Variants in CAMTA1 observed in about 807,000 individuals in gnomAD.
CAMTA1 encodes the protein calmodulin binding transcription activator 1, also known as calmodulin-binding transcription activator 1.
A neutral mutation model predicts 170.9 loss-of-function variants in CAMTA1; 27 were observed. The ratio of observed to expected loss-of-function variants is 0.16; its 90% CI spans 0.12 to 0.22. The LOEUF (loss-of-function observed/expected upper bound fraction) is 0.22. Ranked by LOEUF, CAMTA1 falls within the 10% of genes least tolerant of loss-of-function variation. The pLI is 1.00. For synonymous variants in CAMTA1, 833 were observed against 891.5 expected, an observed-to-expected ratio of 0.93 and a Z score of 1.17; for missense variants, 1,619 against 2,217.2, an observed-to-expected ratio of 0.73 and a Z score of 5.42.
chr1:6,811,035 T>C (rs1645105527), intron 1 of CAMTA1, among the ~76,000 whole-genome samples: 1 of 152,208 alleles, frequency 6.6e-6, no homozygotes, highest in Non-Finnish European at 1.5e-5. Context: ...TCAGGAGGCC[T>C]TCTGTGCCCT....
At chr1:7,731,621 C>G (rs958512409) in intron 11 of CAMTA1, among the ~76,000 whole-genome samples, 2 of 150,796 alleles carry the variant, frequency 1.3e-5, no homozygotes, top group Admixed American at 6.6e-5. Context: ...TACGGTGGTT[C>G]ACACCTGTAA....
chr1:7,210,409 G>A (rs1658544966), intron 4 of CAMTA1, among the ~76,000 whole-genome samples: 1 of 152,176 alleles, frequency 6.6e-6, no homozygotes, highest in South Asian at 2.1e-4. Context: ...GCGACATTGG[G>A]TTGTTCTTAG....
intron 12 of CAMTA1, among the ~76,000 whole-genome samples, chr1:7,734,217 G>T (rs1490795850): frequency 6.6e-6 from 1 of 152,172 alleles, no homozygotes; most frequent in Non-Finnish European, 1.5e-5. Context: ...AAAGTGCTGG[G>T]ATTACAGACA....
intron 6 of CAMTA1, among the ~76,000 whole-genome samples, chr1:7,574,966 G>A (rs2095173098): frequency 6.6e-6 from 1 of 152,234 alleles, no homozygotes; most frequent in East Asian, 1.9e-4. Flanking sequence ...GCTAAGCCTA[G>A]TGGCAGCCGC....
At chr1:7,265,460 C>T (rs1668777589) in intron 5 of CAMTA1, among the ~76,000 whole-genome samples, 2 of 152,050 alleles carry the variant, frequency 1.3e-5, no homozygotes, top group Non-Finnish European at 2.9e-5. Context: ...ATTACAGGCA[C>T]CTGCCACTAT....
chr1:7,314,043 C>T (rs1302092255), intron 5 of CAMTA1, among the ~76,000 whole-genome samples: 5 of 152,304 alleles, frequency 3.3e-5, no homozygotes, highest in South Asian at 4.1e-4. Context: ...TCTTAAGAGA[C>T]GATTATTTGC....
At chr1:7,637,874 G>GT (rs2148911875) in intron 6 of CAMTA1, among the ~76,000 whole-genome samples, 1 of 152,334 alleles carries the variant, frequency 6.6e-6, no homozygotes, top group South Asian at 2.1e-4. Flanking sequence ...AAAGAATAAA[G>GT]TGCTGCGCTT....
chr1:7,203,548 A>G (rs1657096107), intron 4 of CAMTA1, among the ~76,000 whole-genome samples: 1 of 147,264 alleles, frequency 6.8e-6, no homozygotes, highest in Non-Finnish European at 1.5e-5. Context: ...AGGTATTAAT[A>G]TATTCAGACC....
At chr1:7,553,073 A>G (rs962260386) in intron 6 of CAMTA1, among the ~76,000 whole-genome samples, 14 of 152,258 alleles carry the variant, frequency 9.2e-5, no homozygotes, top group Admixed American at 2.0e-4. Flanking sequence ...GGTAGTGAGA[A>G]CAGGGCCTGG....
intron 6 of CAMTA1, among the ~76,000 whole-genome samples, chr1:7,468,792 G>T (rs577412837): frequency 9.2e-5 from 14 of 152,306 alleles, no homozygotes; most frequent in African/African-American, 3.4e-4. Flanking sequence ...CAAACCCCTG[G>T]ACCTTGATGG....
At chr1:7,059,505 A>G (rs892477855) in intron 3 of CAMTA1, among the ~76,000 whole-genome samples, 1 of 152,144 alleles carries the variant, frequency 6.6e-6, no homozygotes, top group Non-Finnish European at 1.5e-5. Flanking sequence ...CTGTAGTCCC[A>G]GCTACTTGGG....
intron 6 of CAMTA1, among the ~76,000 whole-genome samples, chr1:7,576,273 G>T (rs1484079313): frequency 6.6e-6 from 1 of 152,128 alleles, no homozygotes; most frequent in African/African-American, 2.4e-5. Flanking sequence ...GCCACCCAAA[G>T]TGCTGGGATT....
chr1:7,270,691 G>A (rs1002196229), intron 5 of CAMTA1, among the ~76,000 whole-genome samples: 1 of 152,122 alleles, frequency 6.6e-6, no homozygotes, highest in African/African-American at 2.4e-5. Context: ...ACTAGAAATG[G>A]TAAATATGGC....
chr1:7,718,853 C>CTTTTTTTTTT (rs1380463151), intron 11 of CAMTA1, among the ~76,000 whole-genome samples: 1 of 134,560 alleles, frequency 7.4e-6, no homozygotes, highest in Non-Finnish European at 1.5e-5. Flanking sequence ...CCGGTCAGCC[C>CTTTTTTTTTT]TTTTTTTTTT....
At chr1:7,119,453 GA>G (rs577089589) in intron 4 of CAMTA1, among the ~76,000 whole-genome samples, 60 of 152,276 alleles carry the variant, frequency 3.9e-4, no homozygotes, top group African/African-American at 1.3e-3. Context: ...GGACAGCAGT[GA>G]ACAGCGGGGG....
intron 6 of CAMTA1, among the ~76,000 whole-genome samples, chr1:7,639,173 G>A (rs1225964973): frequency 6.6e-6 from 1 of 152,030 alleles, no homozygotes; most frequent in African/African-American, 2.4e-5. Flanking sequence ...TAGAGATGGG[G>A]TTTCACCGTG....
intron 6 of CAMTA1, among the ~76,000 whole-genome samples, chr1:7,543,622 T>C (rs1557888383): frequency 6.6e-6 from 1 of 152,226 alleles, no homozygotes; most frequent in East Asian, 1.9e-4. Context: ...AACATTGTTC[T>C]CAAACAGTTG....
At chr1:7,590,310 A>C (rs370091887) in intron 6 of CAMTA1, among the ~76,000 whole-genome samples, 65 of 152,312 alleles carry the variant, frequency 4.3e-4, no homozygotes, top group African/African-American at 1.5e-3. Flanking sequence ...AGTGAGATAA[A>C]GGGAAGGAAA....
chr1:7,732,999 G>C lies in CAMTA1; in HGVS notation c.3066+400G>C, dbSNP rs2096745492. Among the ~76,000 whole-genome samples, 1 of 152,006 alleles carries C rather than the reference G, an allele frequency of 6.6e-6. No homozygotes were observed. The highest frequency in any genetic ancestry group is 2.4e-5 in the African/African-American group (1 of 41,348). ...GCTTGAGCCCAGGAGTTCACGACCA[G>C]CCTGAGCAACATACTGAGACCCTGT... On this transcript the variant is annotated intron_variant, in intron 12 of 22. Coordinates refer to ENST00000303635, the MANE Select transcript of CAMTA1 (RefSeq NM_015215.4). The surrounding 1 kb of genome is among the most constrained non-coding windows in gnomAD (Gnocchi z 4.1).
Sources: gnomAD v4.1 joint callset for allele counts (sites outside exome capture counted in the v4.1 genomes callset) on GRCh38, gnomAD v4.1.1 for gene constraint, Gnocchi (gnomAD v3.1) non-coding constraint, MANE v1.5 for transcripts, NCBI Gene and HGNC (gene_info 2026-07-23, HGNC 2026-07-21) for gene names.